AKT3: variants seen among roughly 807,000 people sequenced by gnomAD.
The protein encoded by AKT3 is AKT serine/threonine kinase 3, also known as RAC-gamma serine/threonine-protein kinase.
Under a neutral mutation model 65.3 loss-of-function variants are expected in AKT3, and 15 were observed. The observed-to-expected ratio is 0.23, with a 90% CI of 0.15 to 0.35. AKT3 has a LOEUF of 0.35. Among genes scored for constraint, AKT3 ranks in the 10% least tolerant of loss-of-function variants. The pLI is 1.00. For missense variants in AKT3, 243 were observed against 576.5 expected, an observed-to-expected ratio of 0.42 and a Z score of 5.92; for synonymous variants, 206 against 183.8, an observed-to-expected ratio of 1.12 and a Z score of -0.98.
rs76266738 is a variant in AKT3, at chr1:243,493,955, T to A, written c.*7-5505A>T. Among the ~76,000 whole-genome samples the A allele has an allele frequency of 7.6e-3, 1,161 of 152,094 alleles. 4 individuals carry two copies. The highest frequency in any genetic ancestry group is 0.011 in the Non-Finnish European group (736 of 68,008). ...GACTCCCTGCCGAGGGAGGCCTGGC[T>A]GCAAGGCGGAGCTGCTGCAGGCTGC... On this transcript the variant is annotated intron_variant, in intron 13 of 13. Coordinates refer to the AKT3 transcript ENST00000336199.
chr1:243,547,946 TC>T (rs1179723125), intron 11 of AKT3: 4 of 152,212 alleles, frequency 2.6e-5, no homozygotes, highest in Non-Finnish European at 2.9e-5. Context: ...TTTGGAATTT[TC>T]AGACTGGTAG....
At chr1:243,563,254 CCT>C (rs1299556090) in intron 10 of AKT3, among the ~76,000 whole-genome samples, 3 of 152,078 alleles carry the variant, frequency 2.0e-5, no homozygotes, top group African/African-American at 7.2e-5. Context: ...TTTGGAGCTT[CCT>C]CTGACATAAA....
intron 2 of AKT3, among the ~76,000 whole-genome samples, chr1:243,787,763 C>G (rs1439375748): frequency 6.6e-6 from 1 of 152,186 alleles, no homozygotes; most frequent in Non-Finnish European, 1.5e-5. Context: ...TGAATTTCAT[C>G]TTCTGGAAGA....
intron 12 of AKT3, among the ~76,000 whole-genome samples, chr1:243,524,895 T>C (rs766042579): frequency 7.9e-5 from 12 of 152,270 alleles, no homozygotes; most frequent in Non-Finnish European, 1.5e-4. Flanking sequence ...GAATAAGGAA[T>C]GGCACCAAAT....
chr1:243,847,142 T>C (rs1000618954), intron 1 of AKT3, among the ~76,000 whole-genome samples: 6 of 152,200 alleles, frequency 3.9e-5, no homozygotes, highest in Non-Finnish European at 5.9e-5. Flanking sequence ...ACAAATCTTC[T>C]AACAAAAATT....
chr1:243,790,529 C>A (rs985285609), intron 2 of AKT3, among the ~76,000 whole-genome samples: 3 of 152,148 alleles, frequency 2.0e-5, no homozygotes, highest in South Asian at 4.1e-4. Flanking sequence ...CTACCCAGAC[C>A]ACTCAAACTT....
intron 6 of AKT3, among the ~76,000 whole-genome samples, chr1:243,637,294 C>T (rs918597916): frequency 1.1e-4 from 16 of 151,822 alleles, no homozygotes; most frequent in African/African-American, 1.9e-4. Context: ...AAATTCAGAA[C>T]GATAGGAGAA....
chr1:243,571,905 A>G (rs1047492831), intron 9 of AKT3, among the ~76,000 whole-genome samples: 4 of 152,190 alleles, frequency 2.6e-5, no homozygotes, highest in African/African-American at 9.6e-5. Context: ...CTTCCTACAT[A>G]CAACATCTTA....
At chr1:243,767,105 T>C (rs1689875966) in intron 2 of AKT3, among the ~76,000 whole-genome samples, 1 of 152,086 alleles carries the variant, frequency 6.6e-6, no homozygotes, top group African/African-American at 2.4e-5. Flanking sequence ...AGCTAAGAAT[T>C]TGCAGAGGGC....
At chr1:243,815,713 C>T (rs569370602) in intron 2 of AKT3, among the ~76,000 whole-genome samples, 2 of 151,320 alleles carry the variant, frequency 1.3e-5, no homozygotes, top group Admixed American at 6.6e-5. Flanking sequence ...TTAGAGATAG[C>T]GATCCTCCCA....
intron 2 of AKT3, among the ~76,000 whole-genome samples, chr1:243,797,026 G>A (rs1692063405): frequency 1.3e-5 from 2 of 152,056 alleles, no homozygotes; most frequent in Non-Finnish European, 2.9e-5. Context: ...TTCACAACAT[G>A]AAAAAAGTTC....
At chr1:243,692,840 T>A (rs772830555) in intron 3 of AKT3, among the ~76,000 whole-genome samples, 2 of 152,136 alleles carry the variant, frequency 1.3e-5, no homozygotes, top group Non-Finnish European at 2.9e-5. Flanking sequence ...CTTGTTAATC[T>A]TCCTTTTGTT....
rs186284210 is a variant in AKT3 at position 243,547,667 on chromosome 1, G to A, written c.1164-2070C>T. On this transcript the variant is annotated intron_variant, in intron 11 of 13. Coordinates refer to ENST00000673466, the MANE Select transcript of AKT3 (RefSeq NM_005465.7). The stretch of plus-strand genomic sequence containing the variant: ...AAAGTCAAAAAATTGTCAAGCCATC[G>A]TAGGTCAGAAATCATTTATAATTAT... Among the ~76,000 whole-genome samples, 557 of 152,212 alleles carry A rather than the reference G, an allele frequency of 3.7e-3. 2 individuals are homozygous for A. Among genetic ancestry groups the A allele is most frequent in the African/African-American group, 0.013 (533 of 41,520 alleles).
chr1:243,528,476 C>A (rs1671306514), intron 12 of AKT3, among the ~76,000 whole-genome samples: 1 of 152,120 alleles, frequency 6.6e-6, no homozygotes, highest in Non-Finnish European at 1.5e-5. Flanking sequence ...CTTCCTCCTG[C>A]CCTCCACCCT....
intron 3 of AKT3, among the ~76,000 whole-genome samples, chr1:243,692,348 A>G (rs1271934719): frequency 6.6e-6 from 1 of 152,122 alleles, no homozygotes; most frequent in Admixed American, 6.5e-5. Flanking sequence ...AATCTGACAA[A>G]CAAGCCTTAC....
At position 243,780,170 on chromosome 1, in the gene AKT3, A is replaced by C. The variant is rs538569293; in HGVS notation, c.46+62955T>G. Among the ~76,000 whole-genome samples the C allele has an allele frequency of 2.2e-4, 33 of 152,250 alleles. No individual in the cohort carries two copies. In the South Asian group the frequency reaches 4.3e-3, roughly 20 times the overall value. ...ACAAGATTCCTATTAATTATAAAGA[A>C]GGAAAAATAACTTTATAATGAAGAA... On this transcript the variant is annotated intron_variant, in intron 2 of 13. Coordinates refer to ENST00000673466, the MANE Select transcript of AKT3 (RefSeq NM_005465.7).
chr1:243,638,756 G>A (rs751180895), intron 5 of AKT3, among the ~76,000 whole-genome samples: 19 of 150,102 alleles, frequency 1.3e-4, no homozygotes, highest in African/African-American at 2.0e-4. Flanking sequence ...TTTTTTTTCT[G>A]TTTATCATTT....
rs192450327 is a variant in AKT3, at chr1:243,816,318, G to C, written c.46+26807C>G. Among the ~76,000 whole-genome samples the C allele has an allele frequency of 1.7e-3, 264 of 152,150 alleles. 3 individuals carry two copies. The highest frequency in any genetic ancestry group is 0.016 in the Admixed American group (246 of 15,274). On this transcript the variant is annotated intron_variant, in intron 2 of 13. Coordinates refer to ENST00000673466, the MANE Select transcript of AKT3 (RefSeq NM_005465.7). ...AATCACAACATTTGAGTAATTCATA[G>C]TTTCACTAAAACATGTAAAAACTCA...
chr1:243,489,060 G>A lies in AKT3; in HGVS notation c.*7-610C>T, dbSNP rs755629522. The A allele has an allele frequency of 2.5e-6, 4 of 1,613,318 alleles. No individual in the cohort carries two copies. The African/African-American group carries it at 5.3e-5, about 22-fold the overall frequency. ...CAGCCAGGCCACAGCCCAGCAGCTG[G>A]TGCAGCTCCTCAGCAAGCAGAACCA... On this transcript the variant is annotated intron_variant, in intron 13 of 13. Transcript: ENST00000336199.
Sources: gnomAD v4.1 joint callset for allele counts (sites outside exome capture counted in the v4.1 genomes callset) on GRCh38, gnomAD v4.1.1 for gene constraint, MANE v1.5 for transcripts, NCBI Gene and HGNC (gene_info 2026-07-23, HGNC 2026-07-21) for gene names.